The following QSER1 variants were observed in gnomAD, a reference collection of about 807,000 sequenced individuals.
QSER1 encodes the protein glutamine and serine-rich protein 1.
QSER1 carries 49 observed loss-of-function variants against 158.5 expected under a neutral mutation model. That is an observed-to-expected ratio of 0.31 (90% CI 0.25 to 0.39). The LOEUF (loss-of-function observed/expected upper bound fraction) is 0.39. Among genes scored for constraint, QSER1 ranks in the 10% least tolerant of loss-of-function variants. The pLI is 1.00. For synonymous variants in QSER1, 650 were observed against 715.5 expected (o/e 0.91, Z 1.46); for missense variants, 1,754 against 2,010.3 (o/e 0.87, Z 2.44).
chr11:32,920,020 C>G (rs1013152027), intron 1 of QSER1, among the ~76,000 whole-genome samples: 1 of 152,090 alleles, frequency 6.6e-6, no homozygotes, highest in Non-Finnish European at 1.5e-5. Flanking sequence ...ACTCTAGACT[C>G]ATCTTGTATA....
chr11:32,972,529 G>A (rs1852885235), intron 10 of QSER1, among the ~76,000 whole-genome samples: 1 of 151,830 alleles, frequency 6.6e-6, no homozygotes, highest in South Asian at 2.1e-4. Context: ...TCTGCCTCCC[G>A]AGTTCAAGCG....
At chr11:32,923,740 CGGGTGGA>C (rs1412383698) in intron 1 of QSER1, among the ~76,000 whole-genome samples, 21 of 151,696 alleles carry the variant, frequency 1.4e-4, no homozygotes, top group Non-Finnish European at 2.9e-4. Context: ...GAGGCCAAGG[CGGGTGGA>C]TCACGAGATC....
chr11:32,974,679 A>C (rs1852940355), intron 11 of QSER1, among the ~76,000 whole-genome samples: 1 of 152,248 alleles, frequency 6.6e-6, no homozygotes. Context: ...TAGAGATACA[A>C]CAGTGAAAAC....
chr11:32,913,919 C>T (rs1207480233), intron 1 of QSER1, among the ~76,000 whole-genome samples: 1 of 152,184 alleles, frequency 6.6e-6, no homozygotes, highest in Non-Finnish European at 1.5e-5. Flanking sequence ...TTTTATACAG[C>T]TGTTACACAG....
In QSER1 at chr11:32,932,104, T is replaced by G; in HGVS notation, c.846T>G (p.Pro282=). The G allele has an allele frequency of 1.2e-6, 2 of 1,614,176 alleles. No individual in the cohort carries two copies. The highest frequency in any genetic ancestry group is 1.7e-6 in the Non-Finnish European group (2 of 1,180,030). The change falls in exon 4 of 13, where the codon CCT becomes CCG. Residue 282 remains proline, a synonymous_variant. Coordinates refer to ENST00000650167, the MANE Select transcript of QSER1 (RefSeq NM_001076786.3). ...TACAACCTCAATTTAGTTTGTTGCC[T>G]TCAGCACTTGGGGGATCCCAGCAGA... The part of the protein sequence containing the change: ...HLLQPQFSLL[P]SALGGSQQTP...
intron 6 of QSER1, 114 bp from the exon 7 acceptor site, chr11:32,955,874 G>T (rs1429499768): frequency 1.4e-5 from 13 of 911,590 alleles, no homozygotes; most frequent in Non-Finnish European, 1.8e-5. Context: ...AGCCTGGCCA[G>T]AGCTGCATTT....
intron 8 of QSER1, among the ~76,000 whole-genome samples, chr11:32,959,467 T>C (rs563952570): frequency 6.6e-6 from 1 of 152,292 alleles, no homozygotes; most frequent in African/African-American, 2.4e-5. Flanking sequence ...GGAAACAATA[T>C]GGTGAAATTT....
chr11:32,906,752 T>C (rs776859866), intron 1 of QSER1, among the ~76,000 whole-genome samples: 20 of 152,004 alleles, frequency 1.3e-4, no homozygotes, highest in Non-Finnish European at 2.9e-4. Context: ...ACCAAACAAA[T>C]TTAGAGAGAA....
At chr11:32,951,166 T>C (rs1852415475) in intron 4 of QSER1, among the ~76,000 whole-genome samples, 2 of 152,228 alleles carry the variant, frequency 1.3e-5, no homozygotes, top group Admixed American at 6.5e-5. Context: ...TTTTTAATTA[T>C]AATCATCCTA....
intron 1 of QSER1, among the ~76,000 whole-genome samples, chr11:32,899,647 G>T (rs1851600284): frequency 6.6e-6 from 1 of 150,702 alleles, no homozygotes; most frequent in Non-Finnish European, 1.5e-5. Context: ...AGTTCTGCAG[G>T]GTGCCACAAA....
chr11:32,946,585 G>A (rs541641835), intron 4 of QSER1, among the ~76,000 whole-genome samples: 111 of 152,350 alleles, frequency 7.3e-4, no homozygotes, highest in African/African-American at 1.6e-3. Flanking sequence ...CAGTCTGCCC[G>A]TTCTCAGATC....
chr11:32,935,570 T>A, intron 4 of QSER1, 135 bp downstream of exon 4: 1 of 628,240 alleles, frequency 1.6e-6, no homozygotes, highest in Non-Finnish European at 2.6e-6. Context: ...GTAGGTATCT[T>A]AAGGACTTAT....
intron 1 of QSER1, among the ~76,000 whole-genome samples, chr11:32,920,819 G>C (rs1489339043): frequency 6.6e-6 from 1 of 152,122 alleles, no homozygotes; most frequent in Non-Finnish European, 1.5e-5. Flanking sequence ...CACCTGTTAG[G>C]ATGTCTACTA....
Position 32,892,843 on chromosome 11 carries a change from G to GGCCGCCGCCGCCGCCGCCGCC in QSER1, c.-264_-263insCCGCCGCCGCCGCCGCCGCCG, listed in dbSNP as rs562526200. On this transcript the variant is annotated 5_prime_UTR_variant, in exon 1 of 13. Coordinates refer to ENST00000650167, the MANE Select transcript of QSER1 (RefSeq NM_001076786.3). ...GAAATCCACCAACATGGGGCGCAGC[G>GGCCGCCGCCGCCGCCGCCGCC]GCCGCCGCCGCCGCCGCCGTCGCCG... 1.0e-3 allele frequency among the ~76,000 whole-genome samples: 150 copies of GGCCGCCGCCGCCGCCGCCGCC among 144,876 alleles called. 2 individuals carry two copies. The highest frequency in any genetic ancestry group is 2.0e-3 in the Non-Finnish European group (130 of 65,508).
At chr11:32,902,193 T>C (rs1452765199) in intron 1 of QSER1, among the ~76,000 whole-genome samples, 1 of 152,194 alleles carries the variant, frequency 6.6e-6, no homozygotes, top group Non-Finnish European at 1.5e-5. Flanking sequence ...CTAGAGGAAG[T>C]GCACTTCCCT....
Position 32,973,394 on chromosome 11 carries a change from C to T in QSER1, c.5206-3C>T. 1 of 1,612,920 alleles carries T rather than the reference C, an allele frequency of 6.2e-7. No homozygotes were observed. Among genetic ancestry groups the T allele is most frequent in the East Asian group, 2.2e-5 (1 of 44,798 alleles). ...TCAGTTATTTTGCTTCATTGTTTTCCAGAATGCTTTGGAAAGTTTTCCTGA... is the reference window on the plus strand; with the variant it reads ...TCAGTTATTTTGCTTCATTGTTTTCTAGAATGCTTTGGAAAGTTTTCCTGA... On this transcript the variant is annotated splice_polypyrimidine_tract_variant and splice_region_variant and intron_variant, in intron 10 of 12. Coordinates refer to ENST00000650167, the MANE Select transcript of QSER1 (RefSeq NM_001076786.3).
chr11:32,955,270 AGTATCATTAATTCTGG>A lies in QSER1; in HGVS notation c.4501-25_4501-10del, dbSNP rs1852491752. On this transcript the variant is annotated splice_polypyrimidine_tract_variant and intron_variant, in intron 5 of 12. Transcript: ENST00000650167. Reference sequence around the variant, plus strand: ...CTAAAATATGTTGCTGTGTTTTGTAAGTATCATTAATTCTGGTTATTACAGGAGGCTTTAAAAACAG... The same window carrying A: ...CTAAAATATGTTGCTGTGTTTTGTAATTATTACAGGAGGCTTTAAAAACAG... 2.5e-6 allele frequency: 3 copies of A among 1,195,482 alleles called. No homozygotes were observed. The Admixed American group carries it at 6.1e-5, about 24-fold the overall frequency. 74.1% of individuals were successfully genotyped at this position (1,195,482 alleles called of 1,614,324 possible). A position where few individuals can be genotyped will look rare whatever the true frequency, so the allele number is the denominator to read the frequency against.
At chr11:32,924,035 ATG>A (rs1189015686) in intron 1 of QSER1, among the ~76,000 whole-genome samples, 1 of 152,182 alleles carries the variant, frequency 6.6e-6, no homozygotes. Context: ...AAAAGCGAAA[ATG>A]TGAAAAATTT....
intron 1 of QSER1, among the ~76,000 whole-genome samples, chr11:32,907,310 C>A (rs937444365): frequency 2.6e-5 from 4 of 152,116 alleles, no homozygotes; most frequent in Admixed American, 6.6e-5. Flanking sequence ...TTATTAAATT[C>A]TTGTATTAAA....
Sources: allele counts gnomAD v4.1 joint callset (sites outside exome capture counted in the v4.1 genomes callset), GRCh38; gene constraint gnomAD v4.1.1; transcripts MANE v1.5; gene names NCBI Gene and HGNC (gene_info 2026-07-23, HGNC 2026-07-21).